The following ETNK2 variants were observed in gnomAD, a reference collection of about 807,000 sequenced individuals.
ETNK2 encodes ethanolamine kinase-like protein.
Under a neutral mutation model 46.2 loss-of-function variants are expected in ETNK2, and 33 were observed. The ratio of observed to expected loss-of-function variants is 0.71; its 90% confidence interval spans 0.54 to 0.96. The LOEUF (loss-of-function observed/expected upper bound fraction) is 0.96, where lower values mean the gene tolerates loss of function less well. Among genes scored for constraint, ETNK2 ranks in the 40% least tolerant of loss-of-function variants. ETNK2 has a pLI of 0.00. For synonymous variants in ETNK2, 194 were observed against 209.0 expected, an observed-to-expected ratio of 0.93 and a Z score of 0.62; for missense variants, 445 against 509.7, an observed-to-expected ratio of 0.87 and a Z score of 1.22.
intron 3 of ETNK2, among the ~76,000 whole-genome samples, chr1:204,143,468 C>A (rs1368585111): frequency 1.3e-5 from 2 of 151,978 alleles, no homozygotes; most frequent in African/African-American, 4.8e-5. Context: ...CTCCCCTGAG[C>A]ACTTGAAACA....
rs540080845 is a variant in ETNK2 at position 204,146,581 on chromosome 1, C to A, written c.641+61G>T. 7.7e-5 allele frequency: 123 copies of A among 1,602,940 alleles called. No homozygotes were observed. In the African/African-American group the frequency reaches 1.4e-3, roughly 18 times the overall value. On this transcript the variant is annotated intron_variant, in intron 3 of 7. Coordinates refer to ENST00000367202, the MANE Select transcript of ETNK2 (RefSeq NM_018208.4). ...ACCTCCTAGCAGGGTGGGCTGGAGC[C>A]AAAAGGATGGGGAAGGGAGATCATA... is the stretch of plus-strand genomic sequence containing the variant.
intron 6 of ETNK2, 120 bp from the exon 7 acceptor site, chr1:204,134,708 GGT>G: frequency 6.2e-7 from 1 of 1,603,040 alleles, no homozygotes; most frequent in Non-Finnish European, 8.5e-7. Context: ...GAAGAGATGT[GGT>G]GGGGTCTCCC....
chr1:204,151,888 C>T lies in ETNK2; in HGVS notation c.-36G>A. ...CCCACCCCCTCGGAGCCGCGGCAGA[C>T]GCTAGCCCCGGCGGGGGGGTCCGGC... On this transcript the variant is annotated 5_prime_UTR_variant, in exon 1 of 8. Transcript: ENST00000367202. The surrounding 1 kb of genome is among the most constrained non-coding windows in gnomAD (Gnocchi z 8.0). The T allele has an allele frequency of 7.1e-7, 1 of 1,409,900 alleles. No individual in the cohort carries two copies. Among genetic ancestry groups the T allele is most frequent in the African/African-American group, 1.5e-5 (1 of 65,526 alleles). 87.3% of individuals were successfully genotyped at this position (1,409,900 alleles called of 1,614,324 possible).
intron 2 of ETNK2, among the ~76,000 whole-genome samples, chr1:204,149,181 T>G (rs1004815045): frequency 6.6e-6 from 1 of 152,162 alleles, no homozygotes; most frequent in African/African-American, 2.4e-5. Flanking sequence ...AAGGAGGCCT[T>G]GACAGTTCCC....
At chr1:204,139,821 C>A (rs1344380922) in intron 5 of ETNK2, among the ~76,000 whole-genome samples, 1 of 152,208 alleles carries the variant, frequency 6.6e-6, no homozygotes, top group Non-Finnish European at 1.5e-5. Flanking sequence ...CAAACCTGTA[C>A]AGCATGTTAC....
At position 204,146,656 on chromosome 1, in the gene ETNK2, G is replaced by A. The variant is rs143999368; in HGVS notation, c.627C>T (p.Asn209=). 24 of 1,614,014 alleles carry A rather than the reference G, an allele frequency of 1.5e-5. No individual in the cohort carries two copies. Among genetic ancestry groups the A allele is most frequent in the Admixed American group, 6.7e-5 (4 of 60,028 alleles). ...GATCTTTGTACCTGGGGTTGATCTC[G>A]TTCTTCACAAGCGTGAAATAATTGT... ...KMHNYFTLVK[N]EINPSLSADV... The change falls in exon 3 of 8, where the codon AAC becomes AAT. Residue 209 remains asparagine (N), a synonymous_variant. Transcript: ENST00000367202.
At chr1:204,143,161 C>T (rs965223622) in intron 3 of ETNK2, among the ~76,000 whole-genome samples, 18 of 151,698 alleles carry the variant, frequency 1.2e-4, no homozygotes, top group Admixed American at 8.5e-4. Flanking sequence ...TTATCTGTGC[C>T]GACAGGTCTG....
chr1:204,131,880 G>T lies in ETNK2; in HGVS notation c.*304C>A. ...CAGCCCCAATTCCAGCAGGGCCTGA[G>T]GCTGGGAATGATGTGTTTCCCAGGG... On this transcript the variant is annotated 3_prime_UTR_variant, in exon 8 of 8. Transcript: ENST00000367202. The surrounding 1 kb of genome is among the most constrained non-coding windows in gnomAD (Gnocchi z 4.3). 1 of 403,312 alleles carries T rather than the reference G, an allele frequency of 2.5e-6. No individual in the cohort carries two copies. The highest frequency in any genetic ancestry group is 3.3e-5 in the South Asian group (1 of 30,694). The allele number at this position is 403,312 out of a possible 1,614,324, so 25.0% of individuals were successfully genotyped here. A position where few individuals can be genotyped will look rare whatever the true frequency, so the allele number is the denominator to read the frequency against.
chr1:204,136,613 G>A (rs1971528), intron 6 of ETNK2, among the ~76,000 whole-genome samples: 2 of 150,910 alleles, frequency 1.3e-5, no homozygotes, highest in Non-Finnish European at 2.9e-5. Flanking sequence ...TTGGGAGGCT[G>A]AGGGCAGGAA....
At chr1:204,133,492 A>C (rs201801604) in intron 7 of ETNK2, among the ~76,000 whole-genome samples, 1 of 149,230 alleles carries the variant, frequency 6.7e-6, no homozygotes, top group African/African-American at 2.5e-5. Flanking sequence ...TTTTTTTTTT[A>C]ATTAAATTTT....
In ETNK2 at chr1:204,137,175, C is replaced by A. The variant is rs1387205992; in HGVS notation, c.943G>T (p.Ala315Ser). The A allele has an allele frequency of 5.0e-6, 8 of 1,613,840 alleles. No homozygotes were observed. Among genetic ancestry groups the A allele is most frequent in the South Asian group, 4.4e-5 (4 of 91,082 alleles). ...QLQWLHYYLQ[A>S]QKGMAVTPRE... is the part of the protein sequence containing the mutation. ...GGGGTCACGGCCATCCCCTTTTGTG[C>A]CTGCAGGTAGTAGTGCAGCCACTGC... The change falls in exon 6 of 8, where the codon GCA becomes TCA. Residue 315 changes from alanine (A) to serine (S), a missense_variant. Transcript: ENST00000367202.
rs146919087 is a variant in ETNK2, at chr1:204,149,242, C to A, written c.518+461G>T. Among the ~76,000 whole-genome samples, 981 of 152,316 alleles carry A rather than the reference C, an allele frequency of 6.4e-3. 8 individuals are homozygous for A. Among genetic ancestry groups the A allele is most frequent in the African/African-American group, 0.022 (935 of 41,580 alleles). ...GGAGCCAGGAAGGAGTTCAGACTGG[C>A]AGAAGAGATAGCATCTCCCTGGGCT... On this transcript the variant is annotated intron_variant, in intron 2 of 7. Transcript: ENST00000367202.
At chr1:204,145,961 G>A (rs796632698) in intron 3 of ETNK2, among the ~76,000 whole-genome samples, 28 of 152,222 alleles carry the variant, frequency 1.8e-4, no homozygotes, top group African/African-American at 6.3e-4. Flanking sequence ...TGGTCAGAGT[G>A]CTTAAGGGAA....
intron 4 of ETNK2, chr1:204,141,006 T>A: frequency 2.5e-6 from 1 of 405,770 alleles, no homozygotes; most frequent in Non-Finnish European, 4.7e-6. Flanking sequence ...GTATTTTTTT[T>A]GTAGAGACAG....
At chr1:204,137,312 C>T (rs1657329193) in intron 5 of ETNK2, 63 bp from the exon 6 acceptor site, 4 of 1,569,960 alleles carry the variant, frequency 2.5e-6, no homozygotes, top group Non-Finnish European at 3.5e-6. Flanking sequence ...TCTCCTCAAG[C>T]TCAGTAGGTG....
intron 1 of ETNK2, 67 bp from the exon 2 acceptor site, chr1:204,150,029 G>T: frequency 1.3e-6 from 2 of 1,490,520 alleles, no homozygotes; most frequent in Non-Finnish European, 1.8e-6. Context: ...CTCTCTCCTG[G>T]GCTCTGTAGC....
At chr1:204,137,597 C>A (rs920603729) in intron 5 of ETNK2, among the ~76,000 whole-genome samples, 4 of 152,154 alleles carry the variant, frequency 2.6e-5, no homozygotes, top group Admixed American at 2.6e-4. Context: ...CACAGGAGGC[C>A]CTCAGTTAAA....
In ETNK2 at chr1:204,140,067, A is replaced by G; in HGVS notation, c.836T>C (p.Phe279Ser). The G allele has an allele frequency of 6.2e-7, 1 of 1,614,006 alleles. No homozygotes were observed. Among genetic ancestry groups the G allele is most frequent in the Non-Finnish European group, 8.5e-7 (1 of 1,179,882 alleles). The change falls in exon 5 of 8, where the codon TTT (phenylalanine) becomes TCT (serine). Residue 279 changes from phenylalanine (F) to serine (S), a missense_variant. Coordinates refer to ENST00000367202, the MANE Select transcript of ETNK2 (RefSeq NM_018208.4). Reference protein sequence around the residue: ...YEYAGYNYQAFDIGNHFNEFA... With the variant: ...YEYAGYNYQASDIGNHFNEFA... Reference sequence around the variant, plus strand: ...CTCATTGAAATGGTTGCCAATGTCAAAAGCTTGGTAGTTGTAGCCAGCATA... The same window carrying G: ...CTCATTGAAATGGTTGCCAATGTCAGAAGCTTGGTAGTTGTAGCCAGCATA...
At chr1:204,148,852 A>G (rs1047090760) in intron 2 of ETNK2, among the ~76,000 whole-genome samples, 3 of 152,210 alleles carry the variant, frequency 2.0e-5, no homozygotes, top group African/African-American at 7.2e-5. Flanking sequence ...GCCTGGGCAG[A>G]TGCCAAGGCT....
Sources: gnomAD v4.1 joint callset for allele counts (sites outside exome capture counted in the v4.1 genomes callset) on GRCh38, gnomAD v4.1.1 for gene constraint, Gnocchi (gnomAD v3.1) non-coding constraint, MANE v1.5 for transcripts, NCBI Gene and HGNC (gene_info 2026-07-23, HGNC 2026-07-21) for gene names.